Variants in ANO3 observed in about 807,000 individuals in gnomAD.
The protein encoded by ANO3 is anoctamin 3, also known as anoctamin-3.
A neutral mutation model predicts 144.8 loss-of-function variants in ANO3; 99 were observed. The observed-to-expected ratio is 0.68, with a 90% CI of 0.58 to 0.81. The LOEUF is 0.81. ANO3 is among the 30% of genes least tolerant of loss of function. The pLI, the probability that ANO3 is intolerant of heterozygous loss-of-function variation, is 0.00. For synonymous variants in ANO3, 414 were observed against 392.6 expected, an observed-to-expected ratio of 1.05 and a Z score of -0.64; for missense variants, 905 against 1,202.2, an observed-to-expected ratio of 0.75 and a Z score of 3.66.
intron 24 of ANO3, among the ~76,000 whole-genome samples, chr11:26,653,170 T>C (rs6484236): frequency 0.57 from 86,302 of 151,928 alleles, 25,962 homozygotes; most frequent in South Asian, 0.76. Context: ...AATATTCCAC[T>C]GTCTGCTTGG....
At chr11:26,565,328 A>G (rs1404510173) in intron 14 of ANO3, 1 of 1,611,370 alleles carries the variant, frequency 6.2e-7, no homozygotes, top group Admixed American at 1.7e-5. Context: ...TCACAGATGG[A>G]GAAGTTGGTT....
chr11:26,459,650 C>A (rs1214410069), intron 3 of ANO3, among the ~76,000 whole-genome samples: 1 of 151,534 alleles, frequency 6.6e-6, no homozygotes, highest in Non-Finnish European at 1.5e-5. Context: ...ACAAAAAATA[C>A]CTTAGTGAGG....
chr11:26,505,607 A>G (rs1455663392), intron 4 of ANO3, among the ~76,000 whole-genome samples: 1 of 152,148 alleles, frequency 6.6e-6, no homozygotes, highest in East Asian at 1.9e-4. Context: ...GACACATTAG[A>G]TATACTGGGA....
chr11:26,379,019 A>G (rs1407665547), intron 1 of ANO3, among the ~76,000 whole-genome samples: 1 of 138,080 alleles, frequency 7.2e-6, no homozygotes, highest in Admixed American at 7.2e-5. Flanking sequence ...AGAGAAGGAA[A>G]CAGTATAGCA....
Position 26,404,931 on chromosome 11 carries a change from A to ATGTGTGTG in ANO3, c.47-36986_47-36985insGTGTGTGT, listed in dbSNP as rs779394110. Among the ~76,000 whole-genome samples the ATGTGTGTG allele has an allele frequency of 8.1e-4, 32 of 39,276 alleles. No individual in the cohort carries two copies. In the East Asian group the frequency reaches 0.019, roughly 23 times the overall value. 25.8% of individuals were successfully genotyped at this position (39,276 alleles called of 152,430 possible). ...GCTAATTTCAGCAAGGAATTTATAT[A>ATGTGTGTG]TATGTGTGTGTGTGTGTGTGTGTGT... On this transcript the variant is annotated intron_variant, in intron 1 of 26. Transcript: ENST00000256737.
intron 4 of ANO3, among the ~76,000 whole-genome samples, chr11:26,468,093 G>A (rs1334216691): frequency 1.3e-5 from 2 of 151,792 alleles, no homozygotes; most frequent in Non-Finnish European, 1.5e-5. Flanking sequence ...CTCCACCAAG[G>A]AGCCACATCC....
intron 1 of ANO3, among the ~76,000 whole-genome samples, chr11:26,298,421 C>G (rs560671042): frequency 3.9e-5 from 6 of 152,208 alleles, no homozygotes; most frequent in African/African-American, 1.2e-4. Context: ...AACAGAAGTC[C>G]CTACACATGG....
intron 1 of ANO3, among the ~76,000 whole-genome samples, chr11:26,271,071 T>C (rs1853429348): frequency 6.6e-6 from 1 of 152,190 alleles, no homozygotes; most frequent in Non-Finnish European, 1.5e-5. Flanking sequence ...GATGAATATA[T>C]CAAGCTAAGG....
At chr11:26,235,408 T>A (rs1852497914) in intron 1 of ANO3, among the ~76,000 whole-genome samples, 1 of 152,188 alleles carries the variant, frequency 6.6e-6, no homozygotes, top group African/African-American at 2.4e-5. Flanking sequence ...TTTCCAAAAC[T>A]GATACTTCCA....
chr11:26,526,683 A>G (rs1849171562), intron 7 of ANO3, among the ~76,000 whole-genome samples: 2 of 152,184 alleles, frequency 1.3e-5, no homozygotes, highest in South Asian at 4.1e-4. Flanking sequence ...AGTGACAAGA[A>G]AAGTAAATTA....
At chr11:26,314,513 C>T (rs1044203714) in intron 1 of ANO3, among the ~76,000 whole-genome samples, 1 of 152,014 alleles carries the variant, frequency 6.6e-6, no homozygotes, top group African/African-American at 2.4e-5. Context: ...AATGGATTGG[C>T]GAGGATGCTG....
intron 2 of ANO3, 41 bp downstream of exon 2, chr11:26,442,153 C>T (rs1858543507): frequency 6.3e-7 from 1 of 1,581,200 alleles, no homozygotes. Context: ...TTTATAAAAA[C>T]TACGTGTTTT....
In ANO3 at chr11:26,545,713, TA is replaced by T. The variant is rs5790585; in HGVS notation, c.1155-1689del. The stretch of plus-strand genomic sequence containing the variant: ...GAAATATGACACAAGGCACAAATAT[TA>T]AAAAAAAAAAAAACAGATAAAAACA... On this transcript the variant is annotated intron_variant, in intron 11 of 26. Transcript: ENST00000256737. 4.0e-3 allele frequency among the ~76,000 whole-genome samples: 597 copies of T among 148,986 alleles called. 6 individuals carry two copies. Among genetic ancestry groups the T allele is most frequent in the Middle Eastern group, 0.018 (5 of 282 alleles).
chr11:26,615,174 C>T (rs1163197788), intron 17 of ANO3, among the ~76,000 whole-genome samples: 2 of 137,556 alleles, frequency 1.5e-5, no homozygotes, highest in African/African-American at 5.1e-5. Context: ...ATTTTCTTTT[C>T]TGTTTTTGTT....
chr11:26,599,069 T>C, intron 16 of ANO3, 71 bp downstream of exon 16: 1 of 1,495,160 alleles, frequency 6.7e-7, no homozygotes, highest in East Asian at 2.3e-5. Flanking sequence ...TGATACCAAC[T>C]CATTTTGTGA....
intron 14 of ANO3, chr11:26,560,158 T>C (rs532869333): frequency 1.0e-4 from 18 of 179,164 alleles, no homozygotes; most frequent in African/African-American, 4.2e-4. Flanking sequence ...TTTTTTAACC[T>C]TATGGTTCAT....
intron 1 of ANO3, among the ~76,000 whole-genome samples, chr11:26,348,531 T>A (rs1855554955): frequency 6.6e-6 from 1 of 152,222 alleles, no homozygotes; most frequent in South Asian, 2.1e-4. Flanking sequence ...ATTATAAAGA[T>A]GGCCAATAAA....
At chr11:26,611,690 T>C (rs1852103494) in intron 17 of ANO3, among the ~76,000 whole-genome samples, 1 of 152,166 alleles carries the variant, frequency 6.6e-6, no homozygotes. Context: ...ATCTATCCAC[T>C]GTTGAGGGTG....
chr11:26,326,591 T>C (rs780543809), intron 1 of ANO3, among the ~76,000 whole-genome samples: 3 of 152,196 alleles, frequency 2.0e-5, no homozygotes, highest in Non-Finnish European at 4.4e-5. Context: ...GGCCTGGTCA[T>C]GTTCAAATAG....
Sources: gnomAD v4.1 joint callset for allele counts (sites outside exome capture counted in the v4.1 genomes callset) on GRCh38, gnomAD v4.1.1 for gene constraint, MANE v1.5 for transcripts, NCBI Gene and HGNC (gene_info 2026-07-23, HGNC 2026-07-21) for gene names.